NFATC1: variants seen among roughly 807,000 people sequenced by gnomAD.
NFATC1 encodes the protein nuclear factor of activated T cells 1.
NFATC1 carries 22 observed loss-of-function variants against 76.0 expected under a neutral mutation model. That is an observed-to-expected ratio of 0.29 (90% CI 0.21 to 0.41). NFATC1 has a LOEUF of 0.41. Ranked by LOEUF, NFATC1 falls within the 10% of genes least tolerant of loss-of-function variation. The pLI, the probability that NFATC1 is intolerant of heterozygous loss-of-function variation, is 1.00. For synonymous variants in NFATC1, 704 were observed against 613.1 expected (o/e 1.15, Z -2.19); for missense variants, 1,357 against 1,337.7 (o/e 1.01, Z -0.23).
At chr18:79,396,598 G>A (rs2085012850) in intron 1 of NFATC1, among the ~76,000 whole-genome samples, 1 of 152,176 alleles carries the variant, frequency 6.6e-6, no homozygotes, top group Admixed American at 6.5e-5. Flanking sequence ...AGGGCGCGAG[G>A]CGAGGCCGCC....
At chr18:79,399,215 A>G (rs2085100808) in intron 1 of NFATC1, among the ~76,000 whole-genome samples, 7 of 152,266 alleles carry the variant, frequency 4.6e-5, no homozygotes, top group Admixed American at 4.6e-4. Flanking sequence ...CAGAAGTATT[A>G]TTAGAAACTA....
At chr18:79,521,066 CAT>C (rs1351993774) in intron 9 of NFATC1, among the ~76,000 whole-genome samples, 4 of 59,940 alleles carry the variant, frequency 6.7e-5, no homozygotes, top group African/African-American at 2.8e-4. Context: ...GATGTGTGTC[CAT>C]GTGTGTGTGG....
intron 2 of NFATC1, among the ~76,000 whole-genome samples, chr18:79,417,119 TGGGAGATGGGCTGTGGC>T (rs879544199): frequency 0.19 from 24,414 of 129,288 alleles, 3,140 homozygotes; most frequent in African/African-American, 0.22. Flanking sequence ...TGGGCTATGG[TGGGAGATGGGCTGTGGC>T]GGGAGATGGG....
intron 1 of NFATC1, chr18:79,402,313 C>T (rs764241898): frequency 1.3e-5 from 13 of 985,242 alleles, no homozygotes; most frequent in African/African-American, 5.2e-5. Context: ...CTGCTGGCAT[C>T]GGATATGGGG....
At chr18:79,406,776 C>T (rs2085455373) in intron 1 of NFATC1, among the ~76,000 whole-genome samples, 1 of 152,190 alleles carries the variant, frequency 6.6e-6, no homozygotes, top group Non-Finnish European at 1.5e-5. Flanking sequence ...TCGTGGGTCC[C>T]CCACCGCGCC....
At chr18:79,444,028 G>C (rs1353936509) in intron 3 of NFATC1, among the ~76,000 whole-genome samples, 2 of 152,224 alleles carry the variant, frequency 1.3e-5, no homozygotes, top group African/African-American at 4.8e-5. Flanking sequence ...AGTGTTGGCT[G>C]TAGGGTTCCT....
intron 5 of NFATC1, 140 bp from the exon 6 acceptor site, chr18:79,451,536 A>G: frequency 1.2e-6 from 1 of 862,896 alleles, no homozygotes; most frequent in Non-Finnish European, 1.7e-6. Context: ...AAGTAGTGGC[A>G]TCCGCAGGGG....
At chr18:79,459,032 G>A (rs2144846214) in intron 6 of NFATC1, among the ~76,000 whole-genome samples, 1 of 152,378 alleles carries the variant, frequency 6.6e-6, no homozygotes, top group South Asian at 2.1e-4. Context: ...ACCACGGGGA[G>A]AGGCCCCACC....
chr18:79,519,638 C>G (rs1195292441), intron 9 of NFATC1, among the ~76,000 whole-genome samples: 1 of 152,192 alleles, frequency 6.6e-6, no homozygotes, highest in Non-Finnish European at 1.5e-5. Flanking sequence ...CATGCCTGGT[C>G]TTAGGTCAGT....
At chr18:79,469,877 C>T (rs1303685471) in intron 8 of NFATC1, 10 of 985,374 alleles carry the variant, frequency 1.0e-5, no homozygotes, top group African/African-American at 1.7e-5. Flanking sequence ...GGGCTGCGAC[C>T]GCAACCTGCA....
chr18:79,493,298 T>G (rs1325129556), intron 9 of NFATC1: 1 of 152,276 alleles, frequency 6.6e-6, no homozygotes, highest in Non-Finnish European at 1.5e-5. Context: ...TGAGAGCGTT[T>G]GTGGGGCCTG....
chr18:79,498,078 AAT>A (rs2089936177), intron 9 of NFATC1: 1 of 143,800 alleles, frequency 7.0e-6, no homozygotes, highest in Admixed American at 7.1e-5. Context: ...GGGGGGGGGG[AAT>A]CTCATTTCAG....
At chr18:79,416,651 G>GA (rs1270668555) in intron 2 of NFATC1, among the ~76,000 whole-genome samples, 1 of 152,214 alleles carries the variant, frequency 6.6e-6, no homozygotes, top group African/African-American at 2.4e-5. Context: ...GTGTCGAGTT[G>GA]CCCCATGGTT....
At chr18:79,467,411 C>A in intron 7 of NFATC1, 39 bp from the exon 8 acceptor site, 2 of 1,521,080 alleles carry the variant, frequency 1.3e-6, no homozygotes, top group South Asian at 2.5e-5. Context: ...ATCGCCTGCC[C>A]GGTGCTGATT....
At position 79,448,750 on chromosome 18, in the gene NFATC1, T is replaced by A. The variant is rs368288003; in HGVS notation, c.1387-32T>A. The A allele has an allele frequency of 1.9e-6, 3 of 1,601,946 alleles. No homozygotes were observed. The African/African-American group carries it at 4.0e-5, about 21-fold the overall frequency. ...GACTCCCGGCGGTCTGTGCTCTGGGTGCTGAGCAGGTGTTTTCTGTTCTCT... is the reference window on the plus strand; with the variant it reads ...GACTCCCGGCGGTCTGTGCTCTGGGAGCTGAGCAGGTGTTTTCTGTTCTCT... On this transcript the variant is annotated intron_variant, in intron 3 of 9. Transcript: ENST00000427363.
Position 79,396,046 on chromosome 18 carries a change from T to C in NFATC1, c.-179T>C. On this transcript the variant is annotated 5_prime_UTR_variant, in exon 1 of 10. Coordinates refer to ENST00000427363, the MANE Select transcript of NFATC1 (RefSeq NM_001278669.2). The stretch of plus-strand genomic sequence containing the variant: ...GGGCTCGGAGCCACCGCGCAGGTCC[T>C]AGGGCCGCGGCCGGGCCCCGCCACG... 1.4e-6 allele frequency: 1 copy of C among 701,272 alleles called. No individual in the cohort carries two copies. Among genetic ancestry groups the C allele is most frequent in the Non-Finnish European group, 1.9e-6 (1 of 537,450 alleles). The allele number at this position is 701,272 out of a possible 1,614,324, so 43.4% of individuals were successfully genotyped here. A position where few individuals can be genotyped will look rare whatever the true frequency, so the allele number is the denominator to read the frequency against.
At chr18:79,396,403 G>A (rs1241457920) in intron 1 of NFATC1, 52 bp downstream of exon 1, 13 of 1,123,988 alleles carry the variant, frequency 1.2e-5, no homozygotes, top group African/African-American at 1.7e-5. Context: ...CCACGGCCCG[G>A]GCCGCGCCCC....
At chr18:79,488,746 G>A (rs900889375) in intron 9 of NFATC1, among the ~76,000 whole-genome samples, 2 of 152,180 alleles carry the variant, frequency 1.3e-5, no homozygotes, top group Non-Finnish European at 2.9e-5. Context: ...TTTGTCTCAC[G>A]CGGTACCAGG....
At chr18:79,402,131 T>C (rs982792465) in intron 1 of NFATC1, among the ~76,000 whole-genome samples, 3 of 152,252 alleles carry the variant, frequency 2.0e-5, no homozygotes, top group African/African-American at 7.2e-5. Flanking sequence ...CACGTGACTG[T>C]GCGCGACAGC....
Sources: allele counts gnomAD v4.1 joint callset (sites outside exome capture counted in the v4.1 genomes callset), GRCh38; gene constraint gnomAD v4.1.1; transcripts MANE v1.5; gene names NCBI Gene and HGNC (gene_info 2026-07-23, HGNC 2026-07-21).